PACRGL: variants seen among roughly 807,000 people sequenced by gnomAD.
PACRGL encodes PACRG-like protein.
Under a neutral mutation model 34.5 loss-of-function variants are expected in PACRGL, and 38 were observed. That is an observed-to-expected ratio of 1.10 (90% CI 0.85 to 1.44). The LOEUF is 1.44. PACRGL is among the 40% of genes most tolerant of loss of function. The pLI is 0.00. For synonymous variants in PACRGL, 128 were observed against 100.1 expected, an observed-to-expected ratio of 1.28 and a Z score of -1.66; for missense variants, 305 against 281.4, an observed-to-expected ratio of 1.08 and a Z score of -0.60.
At chr4:20,752,091 T>C (rs79204178) in intron 8 of PACRGL, among the ~76,000 whole-genome samples, 17,830 of 140,188 alleles carry the variant, frequency 0.13, 1,225 homozygotes, top group South Asian at 0.21. Flanking sequence ...AAAGTACTGC[T>C]CTTGTCCCCC....
chr4:20,743,280 A>G (rs541920500), intron 8 of PACRGL, among the ~76,000 whole-genome samples: 1 of 152,326 alleles, frequency 6.6e-6, no homozygotes, highest in East Asian at 1.9e-4. Context: ...TTTAAAGTTC[A>G]TATGGAACCA....
At chr4:20,740,830 C>T (rs942000560) in intron 8 of PACRGL, among the ~76,000 whole-genome samples, 5 of 152,070 alleles carry the variant, frequency 3.3e-5, no homozygotes, top group South Asian at 4.1e-4. Context: ...AGACCCATCT[C>T]GCCTGCAGAG....
At chr4:20,735,519 T>C (rs146595370), downstream of PACRGL, among the ~76,000 whole-genome samples, 2,045 of 87,132 alleles carry the variant, frequency 0.023, 24 homozygotes, top group Middle Eastern at 0.047. Context: ...TCATTTAGTG[T>C]TTTTTTTTTT....
At chr4:20,713,575 A>G (rs1463486073) in intron 7 of PACRGL, 36 bp downstream of exon 7, 1 of 1,494,646 alleles carries the variant, frequency 6.7e-7, no homozygotes, top group Admixed American at 1.7e-5. Context: ...GATTGACTGT[A>G]TGTATCATGC....
chr4:20,756,258 G>A (rs1008186856), downstream of PACRGL, among the ~76,000 whole-genome samples: 1 of 151,918 alleles, frequency 6.6e-6, no homozygotes, highest in African/African-American at 2.4e-5. Context: ...CCTATATTGA[G>A]TAGATGTCAA....
chr4:20,721,069 T>A (rs1392933366), intron 7 of PACRGL, among the ~76,000 whole-genome samples: 4 of 152,202 alleles, frequency 2.6e-5, no homozygotes, highest in Non-Finnish European at 5.9e-5. Flanking sequence ...CTTCATTTCA[T>A]TCATTTGATC....
downstream of PACRGL, among the ~76,000 whole-genome samples, chr4:20,754,175 C>G (rs1487904451): frequency 1.3e-5 from 2 of 152,094 alleles, no homozygotes; most frequent in African/African-American, 4.8e-5. Flanking sequence ...ATACTTTATC[C>G]CCTGCCAACA....
At chr4:20,714,195 A>G (rs971256780) in intron 7 of PACRGL, among the ~76,000 whole-genome samples, 5 of 152,162 alleles carry the variant, frequency 3.3e-5, no homozygotes, top group African/African-American at 1.2e-4. Context: ...TATTGGGTGC[A>G]TATATATTTA....
intron 6 of PACRGL, 21 bp from the exon 7 acceptor site, chr4:20,713,411 C>T: frequency 6.3e-7 from 1 of 1,595,114 alleles, no homozygotes; most frequent in African/African-American, 1.3e-5. Flanking sequence ...CCATACATCC[C>T]CCAACTAACC....
chr4:20,701,297 C>G (rs1732066160), intron 1 of PACRGL, among the ~76,000 whole-genome samples: 1 of 152,120 alleles, frequency 6.6e-6, no homozygotes, highest in South Asian at 2.1e-4. Flanking sequence ...TACCGGCAGT[C>G]CCTTGTAGAT....
upstream of PACRGL, among the ~76,000 whole-genome samples, chr4:20,696,959 C>A (rs978576730): frequency 6.6e-6 from 1 of 152,114 alleles, no homozygotes; most frequent in African/African-American, 2.4e-5. Flanking sequence ...TAAAAATATA[C>A]CACTAAAATT....
At chr4:20,715,190 G>A (rs559792010) in intron 7 of PACRGL, among the ~76,000 whole-genome samples, 3 of 152,016 alleles carry the variant, frequency 2.0e-5, no homozygotes, top group African/African-American at 7.2e-5. Context: ...ACCAAACACC[G>A]CATGTTCTCA....
the PACRGL span, among the ~76,000 whole-genome samples, chr4:20,765,319 G>A: frequency 6.6e-6 from 1 of 152,104 alleles, no homozygotes; most frequent in East Asian, 1.9e-4. Context: ...AGAGTCATCT[G>A]TGGAAATCCT....
intron 8 of PACRGL, among the ~76,000 whole-genome samples, chr4:20,739,322 A>G (rs1045373317): frequency 6.6e-6 from 1 of 152,190 alleles, no homozygotes; most frequent in Admixed American, 6.5e-5. Flanking sequence ...TAACTGGGAA[A>G]CACCTCCTAG....
intron 7 of PACRGL, among the ~76,000 whole-genome samples, chr4:20,722,818 G>C (rs1440613390): frequency 6.6e-6 from 1 of 152,164 alleles, no homozygotes; most frequent in African/African-American, 2.4e-5. Context: ...TTAGGCAAGG[G>C]AAGTTCTATA....
intron 3 of PACRGL, among the ~76,000 whole-genome samples, chr4:20,705,863 G>A (rs189126461): frequency 6.7e-5 from 10 of 148,966 alleles, no homozygotes; most frequent in African/African-American, 1.5e-4. Context: ...CCTTTGGGGC[G>A]AAAGGTGGGC....
intron 7 of PACRGL, among the ~76,000 whole-genome samples, chr4:20,719,711 C>T (rs1219798871): frequency 6.6e-6 from 1 of 151,938 alleles, no homozygotes; most frequent in East Asian, 1.9e-4. Flanking sequence ...GTTATAATTT[C>T]TGTTCTTTTA....
chr4:20,715,607 C>A (rs2149121400), intron 7 of PACRGL, among the ~76,000 whole-genome samples: 1 of 152,138 alleles, frequency 6.6e-6, no homozygotes, highest in East Asian at 1.9e-4. Flanking sequence ...GTGGCTCACA[C>A]CTGTAATCCT....
At chr4:20,758,051 A>G in the PACRGL span, among the ~76,000 whole-genome samples, 1 of 152,178 alleles carries the variant, frequency 6.6e-6, no homozygotes, top group Admixed American at 6.5e-5. Context: ...ATTACATCCT[A>G]TTCCTCTTAA....
Sources: allele counts gnomAD v4.1 joint callset (sites outside exome capture counted in the v4.1 genomes callset), GRCh38; gene constraint gnomAD v4.1.1; transcripts MANE v1.5; gene names NCBI Gene and HGNC (gene_info 2026-07-23, HGNC 2026-07-21).